The following SLC5A3 variants were observed in gnomAD, a reference collection of about 807,000 sequenced individuals.
SLC5A3 encodes solute carrier family 5 member 3, also known as sodium/myo-inositol cotransporter.
Under a neutral mutation model 43.2 loss-of-function variants are expected in SLC5A3, and 10 were observed. That is an observed-to-expected ratio of 0.23 (90% confidence interval 0.14 to 0.39). The LOEUF is 0.39. Ranked by LOEUF, SLC5A3 falls within the 10% of genes least tolerant of loss-of-function variation. The pLI is 1.00. For missense variants in SLC5A3, 608 were observed against 893.4 expected, an observed-to-expected ratio of 0.68 and a Z score of 4.07; for synonymous variants, 349 against 322.0, an observed-to-expected ratio of 1.08 and a Z score of -0.90.
intron 1 of SLC5A3, among the ~76,000 whole-genome samples, chr21:34,082,490 T>A (rs1989481600): frequency 1.3e-5 from 2 of 152,228 alleles, no homozygotes; most frequent in Non-Finnish European, 2.9e-5. Flanking sequence ...CTTAGGTGTT[T>A]GAAATACTAC....
chr21:34,092,146 C>CTG (rs1388459814), intron 1 of SLC5A3, among the ~76,000 whole-genome samples: 1 of 151,446 alleles, frequency 6.6e-6, no homozygotes, highest in Admixed American at 6.6e-5. Flanking sequence ...ATATAACATA[C>CTG]TGTATATTCA....
In SLC5A3 at chr21:34,098,708, A is replaced by AATTATAGGACTCT; in HGVS notation, c.*1355_*1367dup. ...TGTGGAGGGTATTACAGGACTGTGT[A>AATTATAGGACTCT]ATTATAGGACTCTAACTTGACATGG... On this transcript the variant is annotated 3_prime_UTR_variant, in exon 2 of 2. Coordinates refer to ENST00000381151, the MANE Select transcript of SLC5A3 (RefSeq NM_006933.7). 2.0e-6 allele frequency: 2 copies of AATTATAGGACTCT among 1,000,214 alleles called. No individual in the cohort carries two copies. Among genetic ancestry groups the AATTATAGGACTCT allele is most frequent in the Non-Finnish European group, 2.4e-6 (2 of 829,968 alleles). 62.0% of individuals were successfully genotyped at this position (1,000,214 alleles called of 1,614,324 possible).
intron 1 of SLC5A3, among the ~76,000 whole-genome samples, chr21:34,085,294 A>G (rs1401514718): frequency 6.6e-6 from 1 of 152,166 alleles, no homozygotes; most frequent in Non-Finnish European, 1.5e-5. Flanking sequence ...TAGATTAGCC[A>G]TTGTTGACAG....
Position 34,101,746 on chromosome 21 carries a change from A to G in SLC5A3, c.*4391A>G. ...TCCAAATAATGACTCATTAAATATA[A>G]TTATGTTTTAAGTATACTGAATTTC... On this transcript the variant is annotated 3_prime_UTR_variant, in exon 2 of 2. Coordinates refer to ENST00000381151, the MANE Select transcript of SLC5A3 (RefSeq NM_006933.7). 2 of 992,468 alleles carry G rather than the reference A, an allele frequency of 2.0e-6. No individual in the cohort carries two copies. Among genetic ancestry groups the G allele is most frequent in the Non-Finnish European group, 2.4e-6 (2 of 823,090 alleles). The allele number at this position is 992,468 out of a possible 1,614,324, so 61.5% of individuals were successfully genotyped here.
Position 34,102,260 on chromosome 21 carries a change from T to A in SLC5A3, c.*4905T>A, listed in dbSNP as rs1384476016. 28 of 999,834 alleles carry A rather than the reference T, an allele frequency of 2.8e-5. No individual in the cohort carries two copies. The highest frequency in any genetic ancestry group is 3.4e-5 in the Non-Finnish European group (28 of 829,844). 61.9% of individuals were successfully genotyped at this position (999,834 alleles called of 1,614,324 possible). On this transcript the variant is annotated 3_prime_UTR_variant, in exon 2 of 2. Transcript: ENST00000381151. ...CCAGTGGTGAGTCCCACACCATTAT[T>A]CACTTAGTAGTCATATAAATGTTTT...
chr21:34,080,507 C>T (rs1989434760), intron 1 of SLC5A3, among the ~76,000 whole-genome samples: 1 of 152,158 alleles, frequency 6.6e-6, no homozygotes, highest in African/African-American at 2.4e-5. Flanking sequence ...ACCCCACCAC[C>T]TCCATGAAAA....
At chr21:34,076,465 A>G (rs757758251) in intron 1 of SLC5A3, among the ~76,000 whole-genome samples, 2 of 152,222 alleles carry the variant, frequency 1.3e-5, no homozygotes, top group South Asian at 2.1e-4. Flanking sequence ...CAGTTGTACA[A>G]TTAGTCACCC....
Position 34,103,490 on chromosome 21 carries a change from A to G in SLC5A3, c.*6135A>G, listed in dbSNP as rs1297783326. 16 of 999,148 alleles carry G rather than the reference A, an allele frequency of 1.6e-5. No homozygotes were observed. The highest frequency in any genetic ancestry group is 1.8e-5 in the Non-Finnish European group (15 of 829,032). The allele number at this position is 999,148 out of a possible 1,614,324, so 61.9% of individuals were successfully genotyped here. A position where few individuals can be genotyped will look rare whatever the true frequency, so the allele number is the denominator to read the frequency against. ...GTGATCTTAATTTTGTTGTGTTTCC[A>G]TTGTAGGTTGATAGGTATATCGAGA... On this transcript the variant is annotated 3_prime_UTR_variant, in exon 2 of 2. Coordinates refer to ENST00000381151, the MANE Select transcript of SLC5A3 (RefSeq NM_006933.7).
intron 1 of SLC5A3, among the ~76,000 whole-genome samples, chr21:34,073,946 A>G (rs1989254895): frequency 7.0e-6 from 1 of 143,764 alleles, no homozygotes; most frequent in Non-Finnish European, 1.5e-5. Context: ...TGCGCGCGGG[A>G]GGCGGGGGTG....
chr21:34,098,684 G>A lies in SLC5A3; in HGVS notation c.*1329G>A. 3 of 1,000,254 alleles carry A rather than the reference G, an allele frequency of 3.0e-6. No individual in the cohort carries two copies. Among genetic ancestry groups the A allele is most frequent in the South Asian group, 4.7e-5 (1 of 21,290 alleles). The allele number at this position is 1,000,254 out of a possible 1,614,324, so 62.0% of individuals were successfully genotyped here. On this transcript the variant is annotated 3_prime_UTR_variant, in exon 2 of 2. Transcript: ENST00000381151. ...ACTTTTGGGGTTAGTAGTGTGTCTT[G>A]TGGAGGGTATTACAGGACTGTGTAA...
chr21:34,079,815 G>A (rs755255032), intron 1 of SLC5A3, among the ~76,000 whole-genome samples: 1 of 151,810 alleles, frequency 6.6e-6, no homozygotes, highest in African/African-American at 2.4e-5. Context: ...GGCATTTTCT[G>A]TTCTCTTCTG....
In SLC5A3 at chr21:34,095,848, ACATGTTGGCC is replaced by A; in HGVS notation, c.651_660del (p.Met218HisfsTer9). ...GGGTTTGAGGAAGTTAAGAGAAGGTACATGTTGGCCTCACCCGATGTCACTTCCATCTTAT... is the reference window on the plus strand; with the variant it reads ...GGGTTTGAGGAAGTTAAGAGAAGGTATCACCCGATGTCACTTCCATCTTAT... On this transcript the variant is annotated frameshift_variant, in exon 2 of 2. Transcript: ENST00000381151. LOFTEE classifies it high-confidence loss of function. The A allele has an allele frequency of 6.2e-7, 1 of 1,614,096 alleles. No homozygotes were observed.
chr21:34,101,625 T>G lies in SLC5A3; in HGVS notation c.*4270T>G. The G allele has an allele frequency of 1.0e-6, 1 of 1,000,216 alleles. No homozygotes were observed. The highest frequency in any genetic ancestry group is 1.2e-6 in the Non-Finnish European group (1 of 829,966). 62.0% of individuals were successfully genotyped at this position (1,000,216 alleles called of 1,614,324 possible). A position where few individuals can be genotyped will look rare whatever the true frequency, so the allele number is the denominator to read the frequency against. ...CTAGTCTTTTCAGCACTTAGCAAAT[T>G]CAAATTTTGATTTTTTTGTCAGCTT... On this transcript the variant is annotated 3_prime_UTR_variant, in exon 2 of 2. Coordinates refer to ENST00000381151, the MANE Select transcript of SLC5A3 (RefSeq NM_006933.7).
In SLC5A3 at chr21:34,097,520, T is replaced by C. The variant is rs1366795870; in HGVS notation, c.*165T>C. On this transcript the variant is annotated 3_prime_UTR_variant, in exon 2 of 2. Coordinates refer to ENST00000381151, the MANE Select transcript of SLC5A3 (RefSeq NM_006933.7). ...TTACAAGACTTTATTTTCCCAGAGA[T>C]GGATTAAAGTAAATCTTCAACTTAA... is the stretch of plus-strand genomic sequence containing the variant. 2.2e-6 allele frequency: 3 copies of C among 1,391,982 alleles called. No individual in the cohort carries two copies. Among genetic ancestry groups the C allele is most frequent in the Non-Finnish European group, 1.9e-6 (2 of 1,070,828 alleles). The allele number at this position is 1,391,982 out of a possible 1,614,324, so 86.2% of individuals were successfully genotyped here.
intron 1 of SLC5A3, among the ~76,000 whole-genome samples, chr21:34,082,595 T>C (rs1010633529): frequency 3.9e-5 from 6 of 152,118 alleles, no homozygotes; most frequent in Non-Finnish European, 8.8e-5. Flanking sequence ...CCCTGGAAAA[T>C]AGTATTACCA....
Position 34,106,036 on chromosome 21 carries a change from A to G in SLC5A3, c.*8681A>G, listed in dbSNP as rs570652468. 3.3e-5 allele frequency: 33 copies of G among 997,030 alleles called. 1 individual carries two copies. The Middle Eastern group carries it at 3.1e-3, about 95-fold the overall frequency. The allele number at this position is 997,030 out of a possible 1,614,324, so 61.8% of individuals were successfully genotyped here. ...AAAGCATATCTGCTAAAGAGCTGTCAGTTTTCATTACTGACTCTGTAAAAT... is the reference window on the plus strand; with the variant it reads ...AAAGCATATCTGCTAAAGAGCTGTCGGTTTTCATTACTGACTCTGTAAAAT... On this transcript the variant is annotated 3_prime_UTR_variant, in exon 2 of 2. Coordinates refer to ENST00000381151, the MANE Select transcript of SLC5A3 (RefSeq NM_006933.7).
At chr21:34,085,751 C>T (rs533089900) in intron 1 of SLC5A3, among the ~76,000 whole-genome samples, 4 of 152,142 alleles carry the variant, frequency 2.6e-5, no homozygotes, top group East Asian at 1.9e-4. Context: ...TACAGGCGCC[C>T]GCCACCGCAC....
At position 34,098,535 on chromosome 21, in the gene SLC5A3, A is replaced by G. The variant is rs1602933017; in HGVS notation, c.*1180A>G. ...TTTTTGTTGTAGTGACTTAGAGCAT[A>G]AGGATGTTTCAGTGCAAACTGGCCG... On this transcript the variant is annotated 3_prime_UTR_variant, in exon 2 of 2. Transcript: ENST00000381151. 1 of 1,000,234 alleles carries G rather than the reference A, an allele frequency of 1.0e-6. No individual in the cohort carries two copies. The allele number at this position is 1,000,234 out of a possible 1,614,324, so 62.0% of individuals were successfully genotyped here.
At chr21:34,093,012 A>G (rs1978784040) in intron 1 of SLC5A3, among the ~76,000 whole-genome samples, 1 of 152,226 alleles carries the variant, frequency 6.6e-6, no homozygotes, top group Non-Finnish European at 1.5e-5. Flanking sequence ...TTTCATTGTA[A>G]TTGACAAGCT....
Sources: allele counts gnomAD v4.1 joint callset (sites outside exome capture counted in the v4.1 genomes callset), GRCh38; gene constraint gnomAD v4.1.1; transcripts MANE v1.5; gene names NCBI Gene and HGNC (gene_info 2026-07-23, HGNC 2026-07-21).